GPC5: variants seen among roughly 807,000 people sequenced by gnomAD.
GPC5 encodes the protein glypican-5.
In GPC5, 47 loss-of-function variants were observed where a neutral mutation model predicts 53.9. The ratio of observed to expected loss-of-function variants is 0.87; its 90% CI spans 0.69 to 1.11. The LOEUF (loss-of-function observed/expected upper bound fraction) is 1.11. GPC5 is among the 50% of genes most tolerant of loss of function. GPC5 has a pLI of 0.00. For synonymous variants in GPC5, 286 were observed against 263.3 expected (o/e 1.09, Z -0.84); for missense variants, 748 against 713.1 (o/e 1.05, Z -0.56).
rs535573289 is a variant in GPC5, at chr13:91,487,022, TAAAAATATCCAA to T, written c.325+38102_325+38113del. ...GCTTGTATGGGGTGTATCTGAGAAA[TAAAAATATCCAA>T]ATCGAGCTTTGATTCAGGCTCAATA... On this transcript the variant is annotated intron_variant, in intron 2 of 7. Coordinates refer to ENST00000377067, the MANE Select transcript of GPC5 (RefSeq NM_004466.6). Among the ~76,000 whole-genome samples the T allele has an allele frequency of 2.4e-3, 360 of 152,202 alleles. 1 individual carries two copies. The highest frequency in any genetic ancestry group is 7.8e-3 in the African/African-American group (322 of 41,518).
chr13:91,752,131 G>A (rs9560847), intron 4 of GPC5, among the ~76,000 whole-genome samples: 15 of 152,068 alleles, frequency 9.9e-5, no homozygotes, highest in South Asian at 6.2e-4. Context: ...GTATCTCTTC[G>A]TCTTCTTATA....
chr13:92,230,373 T>C (rs2042521128), intron 7 of GPC5, among the ~76,000 whole-genome samples: 1 of 152,200 alleles, frequency 6.6e-6, no homozygotes, highest in Non-Finnish European at 1.5e-5. Context: ...TATGTAATAC[T>C]GGTTACTACC....
At chr13:91,573,736 A>G (rs1451970056) in intron 2 of GPC5, among the ~76,000 whole-genome samples, 1 of 152,202 alleles carries the variant, frequency 6.6e-6, no homozygotes, top group East Asian at 1.9e-4. Flanking sequence ...AGTCTTGGAC[A>G]CTAAGCAATA....
At chr13:92,597,394 A>G (rs996203412) in intron 7 of GPC5, among the ~76,000 whole-genome samples, 6 of 152,184 alleles carry the variant, frequency 3.9e-5, no homozygotes, top group Admixed American at 2.6e-4. Flanking sequence ...CTTTAGCTAC[A>G]TGATGTTTGA....
rs193255206 is a variant in GPC5, at chr13:92,146,883, T to C, written c.1561+1894T>C. Among the ~76,000 whole-genome samples the C allele has an allele frequency of 7.0e-3, 1,062 of 152,172 alleles. 10 individuals are homozygous for C. The highest frequency in any genetic ancestry group is 0.024 in the African/African-American group (1,014 of 41,534). On this transcript the variant is annotated intron_variant, in intron 7 of 7. Coordinates refer to ENST00000377067, the MANE Select transcript of GPC5 (RefSeq NM_004466.6). ...AATAGTATTCCATGATATATATATA[T>C]ACCACAGTTTCTTTATCCACTCATT... is the stretch of plus-strand genomic sequence containing the variant.
intron 2 of GPC5, among the ~76,000 whole-genome samples, chr13:91,612,590 A>T (rs2033586446): frequency 1.3e-5 from 2 of 152,200 alleles, no homozygotes; most frequent in African/African-American, 4.8e-5. Context: ...GCGAGTGATG[A>T]TACCCATGGA....
chr13:91,732,406 T>C (rs910605428), intron 4 of GPC5, among the ~76,000 whole-genome samples: 8 of 151,952 alleles, frequency 5.3e-5, no homozygotes, highest in Non-Finnish European at 8.8e-5. Context: ...TTGAAGTTTG[T>C]AGATTCTGGA....
At chr13:91,765,177 T>C (rs1378988779) in intron 5 of GPC5, among the ~76,000 whole-genome samples, 1 of 152,262 alleles carries the variant, frequency 6.6e-6, no homozygotes, top group Non-Finnish European at 1.5e-5. Context: ...TGCGTAGGCA[T>C]AGGCCAACTA....
At chr13:92,209,539 C>G (rs149559288) in intron 7 of GPC5, among the ~76,000 whole-genome samples, 81 of 152,220 alleles carry the variant, frequency 5.3e-4, no homozygotes, top group Non-Finnish European at 8.2e-4. Flanking sequence ...GAACTAACAT[C>G]CACAGAAGGC....
At chr13:91,637,440 A>G (rs893050178) in intron 2 of GPC5, among the ~76,000 whole-genome samples, 1 of 152,182 alleles carries the variant, frequency 6.6e-6, no homozygotes, top group Non-Finnish European at 1.5e-5. Context: ...ATTCCCAGGC[A>G]ACAGTGGATC....
chr13:92,382,830 C>T (rs9523652), intron 7 of GPC5, among the ~76,000 whole-genome samples: 85,841 of 151,382 alleles, frequency 0.57, 24,789 homozygotes, highest in African/African-American at 0.66. Context: ...AACCCCGTCT[C>T]TACTAAAAAA....
intron 7 of GPC5, among the ~76,000 whole-genome samples, chr13:92,773,599 T>C (rs971719767): frequency 6.6e-6 from 1 of 152,202 alleles, no homozygotes; most frequent in Non-Finnish European, 1.5e-5. Context: ...ATATAAAGTA[T>C]CTTCCACACT....
chr13:92,390,342 C>G (rs576025400), intron 7 of GPC5, among the ~76,000 whole-genome samples: 3 of 152,034 alleles, frequency 2.0e-5, no homozygotes, highest in Admixed American at 6.6e-5. Context: ...AAAGAAAATA[C>G]GGTTTGTGGG....
chr13:91,846,223 A>T (rs1336877428), intron 5 of GPC5, among the ~76,000 whole-genome samples: 3 of 151,980 alleles, frequency 2.0e-5, no homozygotes, highest in African/African-American at 7.3e-5. Flanking sequence ...AGACAAACAC[A>T]CCAGATTCTA....
intron 7 of GPC5, among the ~76,000 whole-genome samples, chr13:92,480,651 G>A (rs73632249): frequency 0.01 from 1,540 of 151,596 alleles, 28 homozygotes; most frequent in African/African-American, 0.036. Flanking sequence ...GTTTACATTC[G>A]CAGACTAAAA....
chr13:92,337,370 C>A lies in GPC5; in HGVS notation c.1561+192381C>A, dbSNP rs997969423. ...ATAGTGTGAAGATGTTAGTTCTTCA[C>A]AACTGGATCGATTCAGTGCAATCCC... is the stretch of plus-strand genomic sequence containing the variant. On this transcript the variant is annotated intron_variant, in intron 7 of 7. Transcript: ENST00000377067. Among the ~76,000 whole-genome samples the A allele has an allele frequency of 3.3e-5, 5 of 152,064 alleles. No homozygotes were observed. The East Asian group carries it at 5.8e-4, about 18-fold the overall frequency.
intron 7 of GPC5, among the ~76,000 whole-genome samples, chr13:92,842,102 C>T (rs1421683650): frequency 6.6e-6 from 1 of 152,120 alleles, no homozygotes; most frequent in Non-Finnish European, 1.5e-5. Context: ...ATATACATAG[C>T]ATTTTACAAC....
At chr13:91,665,928 A>G (rs1471410907) in intron 2 of GPC5, among the ~76,000 whole-genome samples, 2 of 152,206 alleles carry the variant, frequency 1.3e-5, no homozygotes, top group Non-Finnish European at 2.9e-5. Flanking sequence ...AAATTAGTCA[A>G]TGGATCTTAG....
At chr13:92,722,996 T>C (rs946122874) in intron 7 of GPC5, among the ~76,000 whole-genome samples, 1 of 151,738 alleles carries the variant, frequency 6.6e-6, no homozygotes, top group African/African-American at 2.4e-5. Flanking sequence ...AGATGATATA[T>C]GAAATACTAG....
Sources: allele counts gnomAD v4.1 joint callset (sites outside exome capture counted in the v4.1 genomes callset), GRCh38; gene constraint gnomAD v4.1.1; transcripts MANE v1.5; gene names NCBI Gene and HGNC (gene_info 2026-07-23, HGNC 2026-07-21).